SUMF1: variants seen among roughly 807,000 people sequenced by gnomAD.
The protein encoded by SUMF1 is sulfatase modifying factor 1.
Under a neutral mutation model 47.6 loss-of-function variants are expected in SUMF1, and 48 were observed. That is an observed-to-expected ratio of 1.01 (90% CI 0.80 to 1.28). SUMF1 has a LOEUF of 1.28. SUMF1 is among the 50% of genes most tolerant of loss of function. The pLI is 0.00. For synonymous variants in SUMF1, 230 were observed against 192.1 expected, an observed-to-expected ratio of 1.20 and a Z score of -1.63; for missense variants, 571 against 485.4, an observed-to-expected ratio of 1.18 and a Z score of -1.66.
intron 8 of SUMF1, among the ~76,000 whole-genome samples, chr3:4,214,456 A>G (rs1043686012): frequency 3.3e-5 from 5 of 152,232 alleles, no homozygotes; most frequent in Admixed American, 6.5e-5. Flanking sequence ...AGAAAGCAGG[A>G]AAGATCTAAA....
At chr3:4,108,708 G>A (rs1693216839) in intron 8 of SUMF1, among the ~76,000 whole-genome samples, 1 of 152,106 alleles carries the variant, frequency 6.6e-6, no homozygotes, top group Admixed American at 6.5e-5. Context: ...GATCTTTGTT[G>A]GTTTAAAGTC....
chr3:4,307,301 C>T (rs115944325), intron 8 of SUMF1, among the ~76,000 whole-genome samples: 1,647 of 152,274 alleles, frequency 0.011, 21 homozygotes, highest in African/African-American at 0.036. Flanking sequence ...AAAAATGCTT[C>T]TTGAGCACCT....
At chr3:4,123,010 G>T (rs538429229) in intron 8 of SUMF1, among the ~76,000 whole-genome samples, 1 of 152,242 alleles carries the variant, frequency 6.6e-6, no homozygotes, top group East Asian at 1.9e-4. Context: ...ACCAGGCATC[G>T]TTCTATACTT....
At chr3:4,443,809 G>T (rs574643632) in intron 3 of SUMF1, among the ~76,000 whole-genome samples, 2 of 152,004 alleles carry the variant, frequency 1.3e-5, no homozygotes, top group African/African-American at 4.8e-5. Context: ...TGATTAAAAA[G>T]AAAGTGATAA....
chr3:4,211,203 C>CATATATATATATATAT (rs57172340), intron 8 of SUMF1, among the ~76,000 whole-genome samples: 7 of 98,150 alleles, frequency 7.1e-5, no homozygotes, highest in Admixed American at 1.1e-4. Flanking sequence ...TACATACATA[C>CATATATATATATATAT]ATATATATAT....
At chr3:4,330,074 T>C (rs1357531287) in intron 8 of SUMF1, among the ~76,000 whole-genome samples, 1 of 152,172 alleles carries the variant, frequency 6.6e-6, no homozygotes, top group Non-Finnish European at 1.5e-5. Context: ...AAGTTCCTCA[T>C]CTCCATCTGA....
chr3:4,219,936 G>T (rs1180481669), intron 8 of SUMF1, among the ~76,000 whole-genome samples: 1 of 152,256 alleles, frequency 6.6e-6, no homozygotes, highest in South Asian at 2.1e-4. Flanking sequence ...GTTATTTTAA[G>T]GTGATAAACT....
chr3:4,420,434 C>T (rs1009511909), intron 3 of SUMF1, among the ~76,000 whole-genome samples: 8 of 137,938 alleles, frequency 5.8e-5, no homozygotes, highest in South Asian at 4.5e-4. Context: ...CTCGCTCTGT[C>T]GCCCAGGCTG....
intron 8 of SUMF1, among the ~76,000 whole-genome samples, chr3:4,232,640 G>C (rs978463951): frequency 5.3e-5 from 8 of 152,046 alleles, no homozygotes; most frequent in African/African-American, 1.9e-4. Context: ...ATAACCAACA[G>C]AGTTGTATCT....
intron 8 of SUMF1, chr3:4,316,906 G>C: frequency 6.5e-7 from 1 of 1,549,378 alleles, no homozygotes; most frequent in South Asian, 1.2e-5. Flanking sequence ...AAACTGCAAC[G>C]CCTGCAGCTG....
At position 4,205,316 on chromosome 3, in the gene SUMF1, T is replaced by A. The variant is rs563025761; in HGVS notation, c.1015-136571A>T. On this transcript the variant is annotated intron_variant and NMD_transcript_variant, in intron 8 of 12. Transcript: ENST00000448413. ...ACCTATCCCCAAAACCTATAAGAAC[T>A]AATGATAATCCACCACCTTTTGCTG... Among the ~76,000 whole-genome samples, 132 of 152,252 alleles carry A rather than the reference T, an allele frequency of 8.7e-4. 1 individual carries two copies. The highest frequency in any genetic ancestry group is 3.0e-3 in the African/African-American group (123 of 41,560).
intron 7 of SUMF1, among the ~76,000 whole-genome samples, chr3:4,376,979 T>C (rs551694533): frequency 1.9e-4 from 29 of 152,032 alleles, no homozygotes; most frequent in Non-Finnish European, 3.4e-4. Flanking sequence ...AAAATTATTA[T>C]TTGTAGAGAC....
chr3:4,455,922 GA>G (rs1054102749), intron 1 of SUMF1, among the ~76,000 whole-genome samples: 9 of 149,746 alleles, frequency 6.0e-5, no homozygotes, highest in South Asian at 2.1e-4. Flanking sequence ...ACTACTAGAA[GA>G]AAAAAAAATA....
chr3:4,150,157 T>A (rs375669278), intron 8 of SUMF1, among the ~76,000 whole-genome samples: 44,490 of 151,596 alleles, frequency 0.29, 6,819 homozygotes, highest in East Asian at 0.39. Context: ...TGCACTGGCG[T>A]ATTATAGCTC....
chr3:4,195,026 C>T (rs950215035), intron 8 of SUMF1, among the ~76,000 whole-genome samples: 1 of 152,062 alleles, frequency 6.6e-6, no homozygotes, highest in African/African-American at 2.4e-5. Context: ...TCACAGAGCC[C>T]TTGTCTGTGG....
At chr3:4,061,088 C>T (rs12497967) in intron 9 of SUMF1, among the ~76,000 whole-genome samples, 21,186 of 152,160 alleles carry the variant, frequency 0.14, 1,867 homozygotes, top group South Asian at 0.26. Flanking sequence ...GACAAATTAA[C>T]TTTACCAGAG....
intron 8 of SUMF1, among the ~76,000 whole-genome samples, chr3:4,149,274 G>A (rs775976853): frequency 3.3e-5 from 5 of 152,164 alleles, no homozygotes; most frequent in Admixed American, 6.5e-5. Context: ...GGGGAAAGAA[G>A]AATCACTGAA....
At chr3:4,298,417 T>C (rs1697901960) in intron 8 of SUMF1, among the ~76,000 whole-genome samples, 1 of 152,116 alleles carries the variant, frequency 6.6e-6, no homozygotes, top group Non-Finnish European at 1.5e-5. Flanking sequence ...GCCAGCAAGA[T>C]AAAAACAAAT....
intron 8 of SUMF1, chr3:4,317,007 G>T: frequency 6.5e-7 from 1 of 1,549,296 alleles, no homozygotes. Flanking sequence ...GAATGAATTG[G>T]GCTATGAAGT....
Sources: gnomAD v4.1 joint callset for allele counts (sites outside exome capture counted in the v4.1 genomes callset) on GRCh38, gnomAD v4.1.1 for gene constraint, MANE v1.5 for transcripts, NCBI Gene and HGNC (gene_info 2026-07-23, HGNC 2026-07-21) for gene names.